The following SEMA6D variants were observed in gnomAD, a reference collection of about 807,000 sequenced individuals.
The protein encoded by SEMA6D is semaphorin-6D.
SEMA6D carries 35 observed loss-of-function variants against 106.6 expected under a neutral mutation model. That is an observed-to-expected ratio of 0.33 (90% CI 0.25 to 0.44). SEMA6D has a LOEUF of 0.44. SEMA6D is among the 20% of genes least tolerant of loss of function. The pLI is 1.00. For missense variants in SEMA6D, 1,185 were observed against 1,345.9 expected (o/e 0.88, Z 1.87); for synonymous variants, 499 against 487.7 (o/e 1.02, Z -0.31).
chr15:47,356,507 AT>A (rs2144961053), intron 1 of SEMA6D, among the ~76,000 whole-genome samples: 1 of 152,142 alleles, frequency 6.6e-6, no homozygotes, highest in South Asian at 2.1e-4. Flanking sequence ...CTGTGGGAAG[AT>A]GAGGAGGAAG....
chr15:47,548,217 G>A (rs1337876937), intron 3 of SEMA6D, among the ~76,000 whole-genome samples: 1 of 152,158 alleles, frequency 6.6e-6, no homozygotes, highest in Non-Finnish European at 1.5e-5. Flanking sequence ...TCAAATGGTT[G>A]GAAACACAGA....
chr15:47,764,377 G>T, intron 11 of SEMA6D, 72 bp downstream of exon 11: 1 of 1,539,190 alleles, frequency 6.5e-7, no homozygotes, highest in Non-Finnish European at 8.7e-7. Context: ...CCCTCCTCAG[G>T]GAGCAGCTTG....
intron 3 of SEMA6D, among the ~76,000 whole-genome samples, chr15:47,551,331 C>T (rs1315969748): frequency 2.0e-5 from 3 of 151,998 alleles, no homozygotes; most frequent in South Asian, 2.1e-4. Context: ...TGGTTGGGGG[C>T]AGGTTGCAGA....
intron 1 of SEMA6D, among the ~76,000 whole-genome samples, chr15:47,336,931 C>T (rs1055805688): frequency 4.6e-5 from 7 of 152,076 alleles, no homozygotes. Context: ...GTGGGTTGGA[C>T]TGCATCCTGT....
At chr15:47,654,943 A>T (rs2077763717) in intron 4 of SEMA6D, among the ~76,000 whole-genome samples, 1 of 152,150 alleles carries the variant, frequency 6.6e-6, no homozygotes, top group Non-Finnish European at 1.5e-5. Flanking sequence ...GGCCTAATAC[A>T]ATCATAAAAA....
At chr15:47,250,881 CA>C (rs1004297795) in intron 1 of SEMA6D, among the ~76,000 whole-genome samples, 8 of 152,264 alleles carry the variant, frequency 5.3e-5, no homozygotes, top group Non-Finnish European at 8.8e-5. Context: ...GTTACATTTT[CA>C]AAAAGGTGGA....
At chr15:47,210,995 C>T (rs1242827554) in intron 1 of SEMA6D, among the ~76,000 whole-genome samples, 1 of 151,516 alleles carries the variant, frequency 6.6e-6, no homozygotes, top group African/African-American at 2.4e-5. Context: ...TTTAAAGTAA[C>T]ACATGTATAT....
intron 1 of SEMA6D, among the ~76,000 whole-genome samples, chr15:47,320,791 A>G (rs1052255302): frequency 6.6e-6 from 1 of 152,060 alleles, no homozygotes; most frequent in African/African-American, 2.4e-5. Flanking sequence ...AGTGTCTCCT[A>G]TTTTGTTTTA....
intron 1 of SEMA6D, among the ~76,000 whole-genome samples, chr15:47,303,089 A>G (rs189511035): frequency 4.6e-5 from 7 of 152,336 alleles, no homozygotes; most frequent in East Asian, 3.9e-4. Flanking sequence ...TTCTCCAGAT[A>G]CATGTGAGAA....
intron 1 of SEMA6D, among the ~76,000 whole-genome samples, chr15:47,194,663 A>C (rs1894209575): frequency 6.6e-6 from 1 of 152,234 alleles, no homozygotes; most frequent in African/African-American, 2.4e-5. Flanking sequence ...AGGAAATTAC[A>C]GTTACCTGAT....
intron 2 of SEMA6D, among the ~76,000 whole-genome samples, chr15:47,443,212 C>T (rs1268715033): frequency 6.6e-6 from 1 of 152,124 alleles, no homozygotes; most frequent in African/African-American, 2.4e-5. Context: ...CTACACACCT[C>T]TCATTGAGAG....
upstream of SEMA6D, among the ~76,000 whole-genome samples, chr15:47,715,131 A>C (rs1212765518): frequency 6.6e-6 from 1 of 152,200 alleles, no homozygotes; most frequent in Non-Finnish European, 1.5e-5. Context: ...GCAGAAATTA[A>C]ACTACATACC....
In SEMA6D at chr15:47,534,760, T is replaced by G. The variant is rs543595195; in HGVS notation, c.-87+64215T>G. Among the ~76,000 whole-genome samples, 32 of 152,138 alleles carry G rather than the reference T, an allele frequency of 2.1e-4. No homozygotes were observed. The South Asian group carries it at 6.4e-3, about 31-fold the overall frequency. On this transcript the variant is annotated intron_variant, in intron 3 of 19. Coordinates refer to the SEMA6D transcript ENST00000558014. ...TCACCCCACATAAATTTTTGCTCTA[T>G]CTCATGCTCCCTTACCTGCATGCAC...
chr15:47,492,367 G>T (rs1266387696), intron 3 of SEMA6D, among the ~76,000 whole-genome samples: 1 of 152,130 alleles, frequency 6.6e-6, no homozygotes, highest in Non-Finnish European at 1.5e-5. Flanking sequence ...AACTGAAAAT[G>T]CTATTAATAC....
At chr15:47,235,602 A>G (rs143066192) in intron 1 of SEMA6D, among the ~76,000 whole-genome samples, 5 of 151,984 alleles carry the variant, frequency 3.3e-5, no homozygotes, top group African/African-American at 4.8e-5. Context: ...ATGTTTTCCT[A>G]TGCTTTGTTG....
intron 1 of SEMA6D, among the ~76,000 whole-genome samples, chr15:47,752,289 C>T (rs1245465592): frequency 6.6e-6 from 1 of 152,146 alleles, no homozygotes; most frequent in Non-Finnish European, 1.5e-5. Flanking sequence ...CAAGGAAAGG[C>T]AGTGTTTTGA....
intron 1 of SEMA6D, among the ~76,000 whole-genome samples, chr15:47,335,760 G>A (rs1005979075): frequency 2.0e-5 from 3 of 152,100 alleles, no homozygotes; most frequent in African/African-American, 7.2e-5. Flanking sequence ...AGAGAAAAAG[G>A]GGAGAGTCAT....
chr15:47,271,710 T>TA (rs2034569732), intron 1 of SEMA6D, among the ~76,000 whole-genome samples: 2 of 152,046 alleles, frequency 1.3e-5, no homozygotes, highest in Admixed American at 6.6e-5. Context: ...AGGCATGTTT[T>TA]AAAAAGGTAT....
At chr15:47,190,096 C>G (rs1359892199) in intron 1 of SEMA6D, among the ~76,000 whole-genome samples, 1 of 152,180 alleles carries the variant, frequency 6.6e-6, no homozygotes, top group Non-Finnish European at 1.5e-5. Context: ...TTTCACACCC[C>G]TTTTGATCTC....
Sources: gnomAD v4.1 joint callset for allele counts (sites outside exome capture counted in the v4.1 genomes callset) on GRCh38, gnomAD v4.1.1 for gene constraint, MANE v1.5 for transcripts, NCBI Gene and HGNC (gene_info 2026-07-23, HGNC 2026-07-21) for gene names.